Variants in MYOM1 observed in about 807,000 individuals in gnomAD.
MYOM1 encodes the protein myomesin 1.
In MYOM1, 164 loss-of-function variants were observed where a neutral mutation model predicts 205.3. The observed-to-expected ratio is 0.80, with a 90% CI of 0.70 to 0.91. MYOM1 has a LOEUF of 0.91. MYOM1 is among the 40% of genes least tolerant of loss of function. The pLI is 0.00. For missense variants in MYOM1, 2,011 were observed against 2,127.3 expected, an observed-to-expected ratio of 0.95 and a Z score of 1.08; for synonymous variants, 772 against 789.4, an observed-to-expected ratio of 0.98 and a Z score of 0.37.
the MYOM1 span, among the ~76,000 whole-genome samples, chr18:3,227,686 GCAGGCACC>G: frequency 1.3e-5 from 2 of 152,082 alleles, no homozygotes; most frequent in African/African-American, 2.4e-5. Context: ...GGGTATGGTG[GCAGGCACC>G]TGTAATCCCA....
At chr18:3,211,250 T>A (rs183148800) in intron 2 of MYOM1, among the ~76,000 whole-genome samples, 170 of 152,368 alleles carry the variant, frequency 1.1e-3, no homozygotes, top group Non-Finnish European at 1.8e-3. Flanking sequence ...TCTGTAAACA[T>A]CTGCCTTATT....
chr18:3,176,039 T>TA lies in MYOM1; in HGVS notation c.1022+2dup, dbSNP rs2080634768. On this transcript the variant is annotated splice_region_variant and intron_variant, in intron 6 of 37. Transcript: ENST00000356443. ...CAACACATGGACACTAATGTTCTCTTACCCATTAATCTCCAGAGTGTGCAT... is the reference window on the plus strand; with the variant it reads ...CAACACATGGACACTAATGTTCTCTTAACCCATTAATCTCCAGAGTGTGCAT... 6.5e-7 allele frequency: 1 copy of TA among 1,546,450 alleles called. No homozygotes were observed. Among genetic ancestry groups the TA allele is most frequent in the African/African-American group, 1.4e-5 (1 of 73,450 alleles).
chr18:3,184,090 G>C (rs1032169985), intron 5 of MYOM1, among the ~76,000 whole-genome samples: 2 of 152,012 alleles, frequency 1.3e-5, no homozygotes, highest in African/African-American at 4.8e-5. Flanking sequence ...ATTTTTAGTA[G>C]AGACACGTTT....
chr18:3,221,311 C>A (rs1340386670), upstream of MYOM1, among the ~76,000 whole-genome samples: 2 of 152,244 alleles, frequency 1.3e-5, no homozygotes, highest in African/African-American at 4.8e-5. Flanking sequence ...TGAGCCACTG[C>A]ACCCAGTCTC....
At chr18:3,181,827 A>G (rs1310119504) in intron 5 of MYOM1, among the ~76,000 whole-genome samples, 3 of 144,328 alleles carry the variant, frequency 2.1e-5, no homozygotes, top group Non-Finnish European at 4.5e-5. Context: ...TCCACCTCCC[A>G]GATTCAAGCA....
chr18:3,197,745 C>T (rs867316910), intron 2 of MYOM1, among the ~76,000 whole-genome samples: 43 of 151,826 alleles, frequency 2.8e-4, no homozygotes, highest in African/African-American at 8.7e-4. Flanking sequence ...TGGTGGCAGG[C>T]GCCTGTGGTC....
At chr18:3,238,592 T>G in the MYOM1 span, among the ~76,000 whole-genome samples, 2 of 152,166 alleles carry the variant, frequency 1.3e-5, no homozygotes, top group Non-Finnish European at 2.9e-5. Flanking sequence ...TTTTGTTGTT[T>G]GTTTGTGATA....
chr18:3,156,430 T>C (rs75764970), intron 10 of MYOM1, among the ~76,000 whole-genome samples: 1 of 152,166 alleles, frequency 6.6e-6, no homozygotes, highest in Non-Finnish European at 1.5e-5. Context: ...CTCAAGCCAC[T>C]TGGGTTTTGA....
chr18:3,180,727 A>G (rs1423018182), intron 5 of MYOM1, among the ~76,000 whole-genome samples: 1 of 152,178 alleles, frequency 6.6e-6, no homozygotes, highest in African/African-American at 2.4e-5. Flanking sequence ...AGCTTTCAGT[A>G]TACTATAAGT....
intron 17 of MYOM1, 142 bp from the exon 18 acceptor site, chr18:3,129,661 G>C (rs1186464120): frequency 2.5e-6 from 2 of 791,804 alleles, no homozygotes; most frequent in Non-Finnish European, 3.8e-6. Flanking sequence ...GCTCACATTT[G>C]CAAGAAATAT....
intron 5 of MYOM1, among the ~76,000 whole-genome samples, chr18:3,184,444 T>C (rs981882823): frequency 6.6e-6 from 1 of 152,202 alleles, no homozygotes; most frequent in African/African-American, 2.4e-5. Context: ...CCTGACCCTG[T>C]TTACTGCCAT....
chr18:3,104,790 T>C (rs989674671), intron 22 of MYOM1, among the ~76,000 whole-genome samples: 1 of 140,924 alleles, frequency 7.1e-6, no homozygotes, highest in Non-Finnish European at 1.5e-5. Flanking sequence ...TCTCACTCTG[T>C]CACCCAGGCT....
intron 1 of MYOM1, among the ~76,000 whole-genome samples, chr18:3,218,005 C>T (rs1406565234): frequency 6.6e-6 from 1 of 152,120 alleles, no homozygotes; most frequent in Non-Finnish European, 1.5e-5. Context: ...AACATGCAGG[C>T]TTCTAGTCTC....
chr18:3,246,914 T>G, the MYOM1 span: 1 of 152,214 alleles, frequency 6.6e-6, no homozygotes, highest in African/African-American at 2.4e-5. Context: ...ACTTTCTCTT[T>G]TTAATAAGAT....
At chr18:3,148,761 G>A (rs1053951152) in intron 13 of MYOM1, among the ~76,000 whole-genome samples, 6 of 148,818 alleles carry the variant, frequency 4.0e-5, no homozygotes, top group Non-Finnish European at 7.4e-5. Context: ...CAGGAGAATG[G>A]CGTGAACCCG....
At chr18:3,184,137 CT>C in intron 5 of MYOM1, among the ~76,000 whole-genome samples, 1 of 152,182 alleles carries the variant, frequency 6.6e-6, no homozygotes, top group Non-Finnish European at 1.5e-5. Context: ...AACTCCTGGC[CT>C]CAAGTGATCT....
At chr18:3,186,963 AAAAG>A (rs1223490239) in intron 5 of MYOM1, among the ~76,000 whole-genome samples, 10 of 151,318 alleles carry the variant, frequency 6.6e-5, no homozygotes, top group Admixed American at 5.9e-4. Flanking sequence ...GAAAGAAAGA[AAAAG>A]AAAAGAAAGA....
At chr18:3,177,201 T>C (rs1355000719) in intron 5 of MYOM1, among the ~76,000 whole-genome samples, 1 of 152,178 alleles carries the variant, frequency 6.6e-6, no homozygotes, top group Non-Finnish European at 1.5e-5. Flanking sequence ...ATCGCACCAC[T>C]GCACTCCAGC....
chr18:3,073,843 G>A (rs1373179722), intron 36 of MYOM1, among the ~76,000 whole-genome samples: 2 of 152,172 alleles, frequency 1.3e-5, no homozygotes, highest in South Asian at 2.1e-4. Context: ...CTGTGAGAGG[G>A]AAACCTGCTT....
Sources: gnomAD v4.1 joint callset for allele counts (sites outside exome capture counted in the v4.1 genomes callset) on GRCh38, gnomAD v4.1.1 for gene constraint, MANE v1.5 for transcripts, NCBI Gene and HGNC (gene_info 2026-07-23, HGNC 2026-07-21) for gene names.